The following JMY variants were observed in gnomAD, a reference collection of about 807,000 sequenced individuals.
The protein encoded by JMY is junction mediating and regulatory protein, p53 cofactor.
A neutral mutation model predicts 103.3 loss-of-function variants in JMY; 46 were observed. That is an observed-to-expected ratio of 0.45 (90% confidence interval 0.35 to 0.57). The LOEUF (loss-of-function observed/expected upper bound fraction) is 0.57. Ranked by LOEUF, JMY falls within the 20% of genes least tolerant of loss-of-function variation. The pLI, the probability that JMY is intolerant of heterozygous loss-of-function variation, is 0.00. For missense variants in JMY, 1,238 were observed against 1,255.2 expected (o/e 0.99, Z 0.21); for synonymous variants, 526 against 489.3 (o/e 1.07, Z -0.99).
Position 79,314,544 on chromosome 5 carries a change from A to C in JMY, c.2352A>C (p.Ile784=), listed in dbSNP as rs768400642. The C allele has an allele frequency of 8.7e-6, 14 of 1,613,914 alleles. No homozygotes were observed. Among genetic ancestry groups the C allele is most frequent in the South Asian group, 7.7e-5 (7 of 91,062 alleles). The change falls in exon 9 of 11, where the codon ATA becomes ATC. Residue 784 remains isoleucine (I), a synonymous_variant. Transcript: ENST00000396137. Reference sequence around the variant, plus strand: ...TTACCTCTGAACTGCCTCCCACTATATCTCTTCCACTTTTGAATAACAACC... The same window carrying C: ...TTACCTCTGAACTGCCTCCCACTATCTCTCTTCCACTTTTGAATAACAACC... ...SGVTSELPPT[I]SLPLLNNNLE...
intron 4 of JMY, among the ~76,000 whole-genome samples, chr5:79,298,611 C>T (rs561234461): frequency 6.6e-6 from 1 of 152,294 alleles, no homozygotes; most frequent in East Asian, 1.9e-4. Flanking sequence ...AAAATATTTC[C>T]TAACACAGCG....
chr5:79,270,391 A>T (rs896966196), intron 1 of JMY, among the ~76,000 whole-genome samples: 3 of 127,544 alleles, frequency 2.4e-5, no homozygotes, highest in Admixed American at 8.4e-5. Flanking sequence ...ATTTACATAA[A>T]ATATATATTT....
intron 6 of JMY, among the ~76,000 whole-genome samples, chr5:79,305,450 C>CA (rs879681484): frequency 0.011 from 1,510 of 141,374 alleles, 13 homozygotes; most frequent in African/African-American, 0.031. Flanking sequence ...GACTCCATCT[C>CA]AAAAAAAAAA....
intron 10 of JMY, among the ~76,000 whole-genome samples, chr5:79,320,104 C>CT (rs1428372969): frequency 3.3e-5 from 5 of 152,034 alleles, no homozygotes; most frequent in South Asian, 2.1e-4. Context: ...TGAGTGTGAA[C>CT]TTTAAGTTTC....
At chr5:79,240,098 C>T (rs936736646) in intron 1 of JMY, among the ~76,000 whole-genome samples, 3 of 151,892 alleles carry the variant, frequency 2.0e-5, no homozygotes, top group African/African-American at 7.3e-5. Context: ...TCACTGCAAC[C>T]TCTGCCTCCC....
chr5:79,298,305 A>G (rs969886123), intron 4 of JMY, among the ~76,000 whole-genome samples: 1 of 152,190 alleles, frequency 6.6e-6, no homozygotes, highest in African/African-American at 2.4e-5. Flanking sequence ...AAAGCCTTCT[A>G]ACATTAGATA....
At chr5:79,318,761 TAGAGAGAGAGAGAG>T (rs3081332) in intron 10 of JMY, among the ~76,000 whole-genome samples, 22 of 53,612 alleles carry the variant, frequency 4.1e-4, no homozygotes, top group East Asian at 9.9e-4. Flanking sequence ...TATATATATA[TAGAGAGAGAGAGAG>T]AGAGAGAGAG....
chr5:79,237,815 G>A, intron 1 of JMY, 133 bp downstream of exon 1: 1 of 735,990 alleles, frequency 1.4e-6, no homozygotes, highest in South Asian at 1.9e-5. Context: ...AACCAAGAGG[G>A]GTTCCTGATC....
chr5:79,241,557 C>T (rs1384106021), intron 1 of JMY, among the ~76,000 whole-genome samples: 2 of 151,878 alleles, frequency 1.3e-5, no homozygotes, highest in African/African-American at 4.8e-5. Context: ...TGGTGAATTC[C>T]CTGTAAGAGG....
At position 79,237,314 on chromosome 5, in the gene JMY, T is replaced by A; in HGVS notation, c.664T>A (p.Ser222Thr). Reference protein sequence around the residue: ...EQPPPATELESPAEECSWAGL... With the variant: ...EQPPPATELETPAEECSWAGL... ...GCCGCCGCCCGCCACCGAGCTGGAGTCTCCGGCCGAAGAGTGCAGCTGGGC... is the reference window on the plus strand; with the variant it reads ...GCCGCCGCCCGCCACCGAGCTGGAGACTCCGGCCGAAGAGTGCAGCTGGGC... Residue 222 changes from serine to threonine, a missense_variant, in exon 1 of 11, where the codon TCT (serine) becomes ACT (threonine). Transcript: ENST00000396137. 3 of 1,570,890 alleles carry A rather than the reference T, an allele frequency of 1.9e-6. No homozygotes were observed. The highest frequency in any genetic ancestry group is 2.7e-5 in the African/African-American group (2 of 73,586).
intron 2 of JMY, chr5:79,284,254 A>T: frequency 6.6e-7 from 1 of 1,523,676 alleles, no homozygotes; most frequent in Non-Finnish European, 9.0e-7. Context: ...AGCTTTCCCA[A>T]TTCAAACTTG....
rs138770551 is a variant in JMY, at chr5:79,258,371, G to A, written c.1033-19539G>A. Among the ~76,000 whole-genome samples, 170 of 144,922 alleles carry A rather than the reference G, an allele frequency of 1.2e-3. 4 individuals carry two copies. The East Asian group carries it at 0.034, about 29-fold the overall frequency. ...TGGCTGGAGTACAGTGGTGTTACGG[G>A]ATCCTTGGGGTGTCGCCTCACCAGC... On this transcript the variant is annotated intron_variant, in intron 1 of 10. Coordinates refer to ENST00000396137, the MANE Select transcript of JMY (RefSeq NM_152405.5).
rs1199187922 is a variant in JMY, at chr5:79,271,207, A to T, written c.1033-6703A>T. Among the ~76,000 whole-genome samples, 1,023 of 146,150 alleles carry T rather than the reference A, an allele frequency of 7.0e-3. 5 individuals carry two copies. Among genetic ancestry groups the T allele is most frequent in the African/African-American group, 0.021 (839 of 39,046 alleles). On this transcript the variant is annotated intron_variant, in intron 1 of 10. Transcript: ENST00000396137. The stretch of plus-strand genomic sequence containing the variant: ...CACCTGGCTATTTTTTTTTTTTTTT[A>T]AATTTTAGTAGAGAGAGTCTCGCTA...
chr5:79,266,266 T>C (rs1177804633), intron 1 of JMY, among the ~76,000 whole-genome samples: 1 of 152,236 alleles, frequency 6.6e-6, no homozygotes, highest in East Asian at 1.9e-4. Flanking sequence ...CGATGTCTGT[T>C]TGGTTCACCA....
intron 6 of JMY, among the ~76,000 whole-genome samples, chr5:79,301,702 G>A (rs1408611393): frequency 6.6e-6 from 1 of 152,114 alleles, no homozygotes; most frequent in Admixed American, 6.6e-5. Context: ...ATGTGCCTTT[G>A]CTATTTCCCC....
intron 1 of JMY, among the ~76,000 whole-genome samples, chr5:79,239,435 TA>T (rs1423672392): frequency 6.6e-6 from 1 of 152,222 alleles, no homozygotes; most frequent in Non-Finnish European, 1.5e-5. Flanking sequence ...TTTACAGATA[TA>T]TTTTTTAAAA....
chr5:79,326,389 G>A lies in JMY; in HGVS notation c.*4787G>A, dbSNP rs764601716. 14 of 151,780 alleles carry A rather than the reference G, an allele frequency of 9.2e-5. No homozygotes were observed. Among genetic ancestry groups the A allele is most frequent in the South Asian group, 2.1e-4 (1 of 4,812 alleles). The allele number at this position is 151,780 out of a possible 1,614,324, so 9.4% of individuals were successfully genotyped here. A position where few individuals can be genotyped will look rare whatever the true frequency, so the allele number is the denominator to read the frequency against. ...ATGTTCTATGGGTAGCTATCAAAGG[G>A]TGTAACAAATTATTCCAGCTTTTCC... On this transcript the variant is annotated 3_prime_UTR_variant, in exon 11 of 11. Coordinates refer to ENST00000396137, the MANE Select transcript of JMY (RefSeq NM_152405.5).
At chr5:79,284,738 C>A in intron 2 of JMY, 1 of 1,589,068 alleles carries the variant, frequency 6.3e-7, no homozygotes, top group Non-Finnish European at 8.5e-7. Flanking sequence ...CCCTTGAGAC[C>A]ATCAGATGCA....
intron 1 of JMY, among the ~76,000 whole-genome samples, chr5:79,277,208 T>C (rs1580349259): frequency 6.6e-6 from 1 of 152,310 alleles, no homozygotes; most frequent in East Asian, 1.9e-4. Flanking sequence ...ACCAGGACCA[T>C]GTTTTTGTAT....
Sources: allele counts gnomAD v4.1 joint callset (sites outside exome capture counted in the v4.1 genomes callset), GRCh38; gene constraint gnomAD v4.1.1; transcripts MANE v1.5; gene names NCBI Gene and HGNC (gene_info 2026-07-23, HGNC 2026-07-21).